Variants in CNOT6 observed in about 807,000 individuals in gnomAD.
The protein encoded by CNOT6 is CCR4-NOT transcription complex subunit 6.
Under a neutral mutation model 61.2 loss-of-function variants are expected in CNOT6, and 12 were observed. The observed-to-expected ratio is 0.20, with a 90% CI of 0.13 to 0.32. The LOEUF (loss-of-function observed/expected upper bound fraction) is 0.32, where lower values mean the gene tolerates loss of function less well. Ranked by LOEUF, CNOT6 falls within the 10% of genes least tolerant of loss-of-function variation. The pLI is 1.00. For synonymous variants in CNOT6, 225 were observed against 240.6 expected (o/e 0.94, Z 0.60); for missense variants, 405 against 663.9 (o/e 0.61, Z 4.28).
intron 3 of CNOT6, among the ~76,000 whole-genome samples, chr5:180,553,128 A>T (rs1463996650): frequency 6.6e-6 from 1 of 152,194 alleles, no homozygotes; most frequent in Non-Finnish European, 1.5e-5. Flanking sequence ...GTTAAATCTA[A>T]TACTTTTTAA....
At chr5:180,562,201 T>TC (rs1491566822) in intron 4 of CNOT6, among the ~76,000 whole-genome samples, 2 of 152,176 alleles carry the variant, frequency 1.3e-5, no homozygotes, top group Admixed American at 1.3e-4. Context: ...TATTCTGCCT[T>TC]CTCTCCTTTT....
chr5:180,537,161 A>C (rs1339528844), intron 2 of CNOT6, among the ~76,000 whole-genome samples: 1 of 152,208 alleles, frequency 6.6e-6, no homozygotes, highest in African/African-American at 2.4e-5. Context: ...CCTTTGGGTA[A>C]ATACCAACGA....
intron 10 of CNOT6, among the ~76,000 whole-genome samples, chr5:180,569,808 C>T (rs925446078): frequency 2.0e-4 from 30 of 152,094 alleles, no homozygotes; most frequent in Non-Finnish European, 1.0e-4. Flanking sequence ...ATCAGTCAAG[C>T]GATTTTGACA....
intron 1 of CNOT6, among the ~76,000 whole-genome samples, chr5:180,510,134 CTTTTTTTTTT>C (rs56899929): frequency 0.015 from 569 of 37,328 alleles, 4 homozygotes; most frequent in African/African-American, 0.048. Context: ...GTCTGTAAAC[CTTTTTTTTTT>C]TTTTTTTTTT....
At chr5:180,537,042 A>G (rs977979092) in intron 2 of CNOT6, among the ~76,000 whole-genome samples, 5 of 152,340 alleles carry the variant, frequency 3.3e-5, no homozygotes, top group East Asian at 1.9e-4. Context: ...TTATTTACCC[A>G]GTCACCTACT....
At chr5:180,506,147 C>T (rs1020065764) in intron 1 of CNOT6, among the ~76,000 whole-genome samples, 4 of 152,158 alleles carry the variant, frequency 2.6e-5, no homozygotes, top group Non-Finnish European at 5.9e-5. Flanking sequence ...CCCAGCTCTA[C>T]AATTCAGTTA....
Position 180,565,983 on chromosome 5 carries a change from TCAGA to T in CNOT6, c.717+11_717+14del, listed in dbSNP as rs1561664721. 9 of 1,609,394 alleles carry T rather than the reference TCAGA, an allele frequency of 5.6e-6. No individual in the cohort carries two copies. Among genetic ancestry groups the T allele is most frequent in the East Asian group, 4.5e-5 (2 of 44,796 alleles). On this transcript the variant is annotated splice_region_variant and intron_variant, in intron 7 of 11. Transcript: ENST00000261951. The stretch of plus-strand genomic sequence containing the variant: ...CTGATATCGTAAGTCTTCAGGTAAG[TCAGA>T]CAGAAGACAGTCAACCTAGCATTGA...
At chr5:180,497,770 G>A (rs1482423258) in intron 1 of CNOT6, among the ~76,000 whole-genome samples, 2 of 152,140 alleles carry the variant, frequency 1.3e-5, no homozygotes, top group East Asian at 3.8e-4. Context: ...GAGACTGGGC[G>A]CGGTGGCTCA....
chr5:180,569,844 A>G (rs916651694), intron 10 of CNOT6, among the ~76,000 whole-genome samples: 2 of 152,216 alleles, frequency 1.3e-5, no homozygotes, highest in Admixed American at 6.5e-5. Flanking sequence ...GATTTTTATT[A>G]AAATGTAGAA....
chr5:180,531,154 G>A (rs1758348089), intron 2 of CNOT6, among the ~76,000 whole-genome samples: 1 of 136,220 alleles, frequency 7.3e-6, no homozygotes, highest in Admixed American at 7.1e-5. Flanking sequence ...GGGCGGAGGC[G>A]CCCCCCACCT....
rs554291865 is a variant in CNOT6, at chr5:180,503,816, G to A, written c.-3+9053G>A. On this transcript the variant is annotated intron_variant, in intron 1 of 11. Coordinates refer to ENST00000261951, the MANE Select transcript of CNOT6 (RefSeq NM_001370472.1). Reference sequence around the variant, plus strand: ...AGACAGGGTTTCACCATGTTGGTCAGGATGGTCTCGATCTCCTGGACCTTG... The same window carrying A: ...AGACAGGGTTTCACCATGTTGGTCAAGATGGTCTCGATCTCCTGGACCTTG... Among the ~76,000 whole-genome samples the A allele has an allele frequency of 1.4e-4, 22 of 151,876 alleles. No individual in the cohort carries two copies. In the South Asian group the frequency reaches 4.6e-3, roughly 32 times the overall value.
At chr5:180,568,151 C>T (rs1760556200) in intron 9 of CNOT6, 148 bp downstream of exon 9, 22 of 674,260 alleles carry the variant, frequency 3.3e-5, no homozygotes, top group Non-Finnish European at 5.0e-5. Context: ...AAATGTATCT[C>T]TTTTTCTCTA....
intron 1 of CNOT6, among the ~76,000 whole-genome samples, chr5:180,521,647 A>G (rs1242686148): frequency 1.3e-5 from 2 of 152,210 alleles, no homozygotes; most frequent in Non-Finnish European, 2.9e-5. Flanking sequence ...GGTTTGGGAC[A>G]TAAATGATCC....
chr5:180,544,772 C>T (rs1487223730), intron 2 of CNOT6, among the ~76,000 whole-genome samples: 5 of 152,176 alleles, frequency 3.3e-5, no homozygotes, highest in Non-Finnish European at 5.9e-5. Flanking sequence ...CTTCCCCTCT[C>T]TTGAGTGAAG....
intron 10 of CNOT6, 68 bp from the exon 11 acceptor site, chr5:180,571,162 T>A: frequency 9.2e-7 from 1 of 1,090,178 alleles, no homozygotes; most frequent in Non-Finnish European, 1.4e-6. Context: ...AACTTCTTAC[T>A]ATTGCATGAT....
intron 4 of CNOT6, among the ~76,000 whole-genome samples, chr5:180,558,487 G>A (rs1265856915): frequency 5.5e-5 from 8 of 145,538 alleles, no homozygotes; most frequent in Admixed American, 2.1e-4. Context: ...AGGAAGGCGC[G>A]CCCTCCTTCG....
chr5:180,521,383 G>A (rs371028895), intron 1 of CNOT6, among the ~76,000 whole-genome samples: 1 of 152,052 alleles, frequency 6.6e-6, no homozygotes, highest in Non-Finnish European at 1.5e-5. Context: ...AGTGACTCAG[G>A]TTTCATAATC....
chr5:180,512,589 T>C (rs1323420648), intron 1 of CNOT6, among the ~76,000 whole-genome samples: 8 of 152,218 alleles, frequency 5.3e-5, no homozygotes, highest in Admixed American at 5.2e-4. Flanking sequence ...ATTTTATTAC[T>C]ATTTTTATTC....
At chr5:180,499,575 A>G (rs1250315375) in intron 1 of CNOT6, among the ~76,000 whole-genome samples, 2 of 152,246 alleles carry the variant, frequency 1.3e-5, no homozygotes, top group African/African-American at 4.8e-5. Flanking sequence ...GTTCCTAAAA[A>G]TCACTGCTTT....
Sources: allele counts gnomAD v4.1 joint callset (sites outside exome capture counted in the v4.1 genomes callset), GRCh38; gene constraint gnomAD v4.1.1; transcripts MANE v1.5; gene names NCBI Gene and HGNC (gene_info 2026-07-23, HGNC 2026-07-21).